The following DISC1 variants were observed in gnomAD, a reference collection of about 807,000 sequenced individuals.
The protein encoded by DISC1 is DISC1 scaffold protein.
Under a neutral mutation model 84.5 loss-of-function variants are expected in DISC1, and 57 were observed. The observed-to-expected ratio is 0.67, with a 90% CI of 0.55 to 0.84. The LOEUF is 0.84. Among genes scored for constraint, DISC1 ranks in the 40% least tolerant of loss-of-function variants. The pLI is 0.00. For missense variants in DISC1, 1,000 were observed against 1,057.8 expected (o/e 0.95, Z 0.76); for synonymous variants, 411 against 415.2 (o/e 0.99, Z 0.12).
chr1:232,029,355 T>C (rs563625846), intron 12 of DISC1, among the ~76,000 whole-genome samples: 2 of 152,324 alleles, frequency 1.3e-5, no homozygotes, highest in South Asian at 2.1e-4. Context: ...TGGAACATTA[T>C]GCCCTAAGAT....
intron 3 of DISC1, among the ~76,000 whole-genome samples, chr1:231,740,002 T>C (rs1036391580): frequency 2.0e-5 from 3 of 152,164 alleles, no homozygotes; most frequent in Admixed American, 2.0e-4. Context: ...GGGTGGAGGC[T>C]TCATGAATGG....
chr1:232,020,070 G>T (rs528981368), intron 11 of DISC1, among the ~76,000 whole-genome samples: 2 of 152,026 alleles, frequency 1.3e-5, no homozygotes, highest in African/African-American at 4.8e-5. Flanking sequence ...GGCCAGGTGC[G>T]GTGGCTCACA....
chr1:232,003,042 T>C (rs1365700388), intron 10 of DISC1, among the ~76,000 whole-genome samples: 2 of 152,086 alleles, frequency 1.3e-5, no homozygotes, highest in African/African-American at 4.8e-5. Context: ...TTCTTACAAT[T>C]GTATGTGAAT....
At chr1:231,755,791 T>A (rs1360214400) in intron 4 of DISC1, among the ~76,000 whole-genome samples, 1 of 152,226 alleles carries the variant, frequency 6.6e-6, no homozygotes, top group Non-Finnish European at 1.5e-5. Flanking sequence ...CAAGTCCTGT[T>A]GTGTCCACTG....
Position 231,694,330 on chromosome 1 carries a change from G to A in DISC1, c.572G>A (p.Cys191Tyr). 6.2e-7 allele frequency: 1 copy of A among 1,614,254 alleles called. No individual in the cohort carries two copies. Among genetic ancestry groups the A allele is most frequent in the South Asian group, 1.1e-5 (1 of 91,092 alleles). Residue 191 changes from cysteine (C) to tyrosine (Y), a missense_variant, in exon 2 of 13, where the codon TGT becomes TAT. Physicochemically the swap from Cys to Tyr is radical, Grantham distance 194. Coordinates refer to ENST00000439617, the MANE Select transcript of DISC1 (RefSeq NM_018662.3). ...AGTAGCAACAGCTGCAGCCCTGGCT[G>A]TGGCCCTGAGGTCCCCCCAACCCCT... ...ELSSNSCSPG[C>Y]GPEVPPTPPG...
chr1:231,988,307 ATC>A (rs1664738292), intron 10 of DISC1, among the ~76,000 whole-genome samples: 2 of 152,306 alleles, frequency 1.3e-5, no homozygotes, highest in Admixed American at 1.3e-4. Flanking sequence ...CAACCTACAA[ATC>A]AGCACCTGCC....
intron 9 of DISC1, among the ~76,000 whole-genome samples, chr1:231,934,525 A>C (rs61836993): frequency 1.3e-5 from 2 of 152,232 alleles, no homozygotes; most frequent in Non-Finnish European, 2.9e-5. Context: ...TAAGTGACGC[A>C]AATCACAGTA....
intron 12 of DISC1, among the ~76,000 whole-genome samples, chr1:232,027,070 T>C (rs980864839): frequency 2.0e-5 from 3 of 152,176 alleles, no homozygotes; most frequent in Non-Finnish European, 4.4e-5. Context: ...TATTTTTAAT[T>C]GCTAAATCCA....
At position 231,886,799 on chromosome 1, in the gene DISC1, C is replaced by CTT. The variant is rs1437928835; in HGVS notation, c.1981+68284_1981+68285dup. On this transcript the variant is annotated intron_variant, in intron 9 of 12. Coordinates refer to ENST00000439617, the MANE Select transcript of DISC1 (RefSeq NM_018662.3). ...TCTTTCTTTCTTTCTTTCTTTCTTT[C>CTT]TTTCTTTCTTTCTTTCTTTCTTTCT... Among the ~76,000 whole-genome samples the CTT allele has an allele frequency of 2.8e-5, 4 of 142,444 alleles. 1 individual carries two copies. Among genetic ancestry groups the CTT allele is most frequent in the Middle Eastern group, 6.9e-3 (2 of 288 alleles). 93.4% of individuals were successfully genotyped at this position (142,444 alleles called of 152,430 possible).
chr1:231,944,345 T>C (rs1240145952), intron 9 of DISC1, among the ~76,000 whole-genome samples: 4 of 152,192 alleles, frequency 2.6e-5, no homozygotes. Flanking sequence ...CTTTCAGGTT[T>C]GTGGGGGCTA....
At chr1:231,828,770 C>A (rs2125808013) in intron 9 of DISC1, among the ~76,000 whole-genome samples, 1 of 152,202 alleles carries the variant, frequency 6.6e-6, no homozygotes, top group East Asian at 1.9e-4. Context: ...ATTTTACATC[C>A]TCTGTCTGTC....
chr1:231,837,819 T>C (rs1024625090), intron 9 of DISC1, among the ~76,000 whole-genome samples: 1 of 152,190 alleles, frequency 6.6e-6, no homozygotes, highest in African/African-American at 2.4e-5. Flanking sequence ...CATGCCATTG[T>C]GGATGTGGGT....
At chr1:231,706,941 G>A (rs2067161500) in intron 3 of DISC1, among the ~76,000 whole-genome samples, 1 of 152,114 alleles carries the variant, frequency 6.6e-6, no homozygotes, top group South Asian at 2.1e-4. Flanking sequence ...CCTCCCATAG[G>A]GTTTGGTGTC....
chr1:231,658,108 A>G (rs989629351), intron 1 of DISC1, among the ~76,000 whole-genome samples: 1 of 152,202 alleles, frequency 6.6e-6, no homozygotes, highest in East Asian at 1.9e-4. Flanking sequence ...CTTCCTGTTC[A>G]TGAGCATGGA....
chr1:232,025,195 T>C (rs759788850), intron 11 of DISC1, among the ~76,000 whole-genome samples: 1 of 152,102 alleles, frequency 6.6e-6, no homozygotes, highest in Non-Finnish European at 1.5e-5. Context: ...AATTATTATT[T>C]GGGGCCTTTG....
At chr1:231,866,959 T>G (rs1276923497) in intron 9 of DISC1, among the ~76,000 whole-genome samples, 2 of 152,136 alleles carry the variant, frequency 1.3e-5, no homozygotes, top group African/African-American at 4.8e-5. Context: ...AAGACCTCAT[T>G]TATCACCTCG....
At position 231,802,558 on chromosome 1, in the gene DISC1, G is replaced by A. The variant is rs144893694; in HGVS notation, c.1792+2348G>A. On this transcript the variant is annotated intron_variant, in intron 8 of 12. Coordinates refer to ENST00000439617, the MANE Select transcript of DISC1 (RefSeq NM_018662.3). ...TCCTGACTTTGATCTATGGCCTGAG[G>A]TCCTTTCTTAATTTGAGAACTATTT... 1.9e-3 allele frequency among the ~76,000 whole-genome samples: 292 copies of A among 152,238 alleles called. 3 individuals carry two copies. Among genetic ancestry groups the A allele is most frequent in the African/African-American group, 6.2e-3 (257 of 41,564 alleles).
intron 1 of DISC1, among the ~76,000 whole-genome samples, chr1:231,690,302 G>A (rs915595374): frequency 6.6e-6 from 1 of 152,138 alleles, no homozygotes; most frequent in African/African-American, 2.4e-5. Context: ...AAGAGTCCTC[G>A]AGCAGCAGAG....
At chr1:232,005,164 C>T (rs1348774808) in intron 10 of DISC1, among the ~76,000 whole-genome samples, 1 of 147,736 alleles carries the variant, frequency 6.8e-6, no homozygotes, top group Admixed American at 6.8e-5. Flanking sequence ...ACATAAAATA[C>T]ATACATCATG....
Sources: allele counts gnomAD v4.1 joint callset (sites outside exome capture counted in the v4.1 genomes callset), GRCh38; gene constraint gnomAD v4.1.1; transcripts MANE v1.5; gene names NCBI Gene and HGNC (gene_info 2026-07-23, HGNC 2026-07-21).